Variants in TENM2 observed in about 807,000 individuals in gnomAD.
TENM2 encodes the protein teneurin-2.
In TENM2, 52 loss-of-function variants were observed where a neutral mutation model predicts 245.2. The ratio of observed to expected loss-of-function variants is 0.21; its 90% CI spans 0.17 to 0.27. The LOEUF (loss-of-function observed/expected upper bound fraction) is 0.27, where lower values mean the gene tolerates loss of function less well. Among genes scored for constraint, TENM2 ranks in the 10% least tolerant of loss-of-function variants. TENM2 has a pLI of 1.00. For synonymous variants in TENM2, 1,363 were observed against 1,438.9 expected (o/e 0.95, Z 1.19); for missense variants, 3,046 against 3,666.8 (o/e 0.83, Z 4.37).
At chr5:167,278,017 T>G in the TENM2 span, among the ~76,000 whole-genome samples, 21 of 152,256 alleles carry the variant, frequency 1.4e-4, 1 homozygote, top group Non-Finnish European at 1.5e-5. Flanking sequence ...TAAAATGACT[T>G]TCTTGGTGGA....
chr5:167,540,755 A>G (rs907083445), intron 2 of TENM2, among the ~76,000 whole-genome samples: 3 of 152,206 alleles, frequency 2.0e-5, no homozygotes, highest in Non-Finnish European at 2.9e-5. Context: ...CAGGTGATTT[A>G]AAATTTCTAA....
intron 3 of TENM2, among the ~76,000 whole-genome samples, chr5:167,929,314 G>A (rs1346483103): frequency 1.3e-5 from 2 of 152,108 alleles, no homozygotes; most frequent in Non-Finnish European, 1.5e-5. Context: ...TGTTTAAAGA[G>A]CATTTGAGAA....
chr5:167,370,112 G>A (rs1344260232), intron 1 of TENM2, among the ~76,000 whole-genome samples: 1 of 152,140 alleles, frequency 6.6e-6, no homozygotes, highest in African/African-American at 2.4e-5. Context: ...GGAAGCTGAG[G>A]TGGGCAGATC....
intron 2 of TENM2, among the ~76,000 whole-genome samples, chr5:167,660,814 C>G (rs1373983732): frequency 6.6e-6 from 1 of 152,128 alleles, no homozygotes; most frequent in East Asian, 1.9e-4. Flanking sequence ...TGTTCCTTAA[C>G]ATATTATATG....
At chr5:167,261,558 G>C in the TENM2 span, among the ~76,000 whole-genome samples, 1 of 152,100 alleles carries the variant, frequency 6.6e-6, no homozygotes, top group African/African-American at 2.4e-5. Flanking sequence ...GAAGACAGCA[G>C]CATGAATTAA....
chr5:167,853,151 G>A (rs954207775), intron 2 of TENM2, among the ~76,000 whole-genome samples: 8 of 151,414 alleles, frequency 5.3e-5, no homozygotes, highest in Admixed American at 4.6e-4. Context: ...TTAGCCGGGC[G>A]TGGTGGCGGG....
chr5:167,236,920 G>A, the TENM2 span, among the ~76,000 whole-genome samples: 3 of 122,210 alleles, frequency 2.5e-5, no homozygotes, highest in Admixed American at 2.5e-4. Flanking sequence ...AGAAAGTCTT[G>A]TTTCACTTAG....
At chr5:167,175,944 A>G in the TENM2 span, among the ~76,000 whole-genome samples, 1 of 152,172 alleles carries the variant, frequency 6.6e-6, no homozygotes, top group Admixed American at 6.5e-5. Flanking sequence ...TCCTGACCTC[A>G]AGTGATCCAC....
At chr5:167,568,568 T>C (rs1392496119) in intron 2 of TENM2, among the ~76,000 whole-genome samples, 12 of 152,076 alleles carry the variant, frequency 7.9e-5, no homozygotes, top group Admixed American at 7.9e-4. Flanking sequence ...CCATTGATTA[T>C]CCTAATATGG....
At chr5:167,431,118 G>A (rs1582025539) in intron 2 of TENM2, among the ~76,000 whole-genome samples, 1 of 152,094 alleles carries the variant, frequency 6.6e-6, no homozygotes, top group South Asian at 2.1e-4. Context: ...AATCTTTATT[G>A]TTAGCCTAGC....
intron 1 of TENM2, among the ~76,000 whole-genome samples, chr5:167,289,820 T>C (rs1268596468): frequency 6.6e-6 from 1 of 152,244 alleles, no homozygotes; most frequent in Non-Finnish European, 1.5e-5. Flanking sequence ...AAATTGTAAA[T>C]ATTTCTTTCT....
At chr5:168,139,024 A>G (rs1755305587) in intron 12 of TENM2, among the ~76,000 whole-genome samples, 1 of 152,214 alleles carries the variant, frequency 6.6e-6, no homozygotes, top group South Asian at 2.1e-4. Context: ...CACTGTTTCT[A>G]TCAATAATGT....
chr5:167,392,290 G>A (rs971905520), intron 2 of TENM2, among the ~76,000 whole-genome samples: 6 of 152,264 alleles, frequency 3.9e-5, no homozygotes, highest in South Asian at 2.1e-4. Context: ...TGACTGGACC[G>A]TAGGATGTCC....
intron 1 of TENM2, among the ~76,000 whole-genome samples, chr5:167,316,134 T>G (rs190995495): frequency 1.9e-4 from 29 of 152,324 alleles, no homozygotes; most frequent in Non-Finnish European, 1.0e-4. Context: ...TGATCTAAGA[T>G]TTGCTTATTT....
chr5:168,247,859 G>A lies in TENM2; in HGVS notation c.6920G>A (p.Arg2307Gln), dbSNP rs369528588. The A allele has an allele frequency of 2.6e-5, 42 of 1,613,844 alleles. No homozygotes were observed. The highest frequency in any genetic ancestry group is 1.6e-4 in the Middle Eastern group (1 of 6,084). Residue 2307 changes from arginine (R) to glutamine (Q), a missense_variant, in exon 27 of 29, where the codon CGG becomes CAG. By Grantham distance (43) the Arg-to-Gln change is conservative. Transcript: ENST00000518659. This position sits in a 1 kb window ranked among gnomAD's most constrained non-coding sequence, Gnocchi z 7.8. ...CAGTACCGCTATGATGGCGTAGGAC[G>A]GCGGGCTTCCTACAAGACCAACCTG...
the TENM2 span, among the ~76,000 whole-genome samples, chr5:167,213,287 C>G: frequency 6.6e-6 from 1 of 152,110 alleles, no homozygotes; most frequent in Non-Finnish European, 1.5e-5. Context: ...GCCTAGGTGG[C>G]TTATAAAAAA....
chr5:167,077,018 G>A, the TENM2 span, among the ~76,000 whole-genome samples: 1 of 152,124 alleles, frequency 6.6e-6, no homozygotes, highest in African/African-American at 2.4e-5. Flanking sequence ...TAAAGACAGA[G>A]TTTCACTATG....
chr5:167,807,629 A>T lies in TENM2; in HGVS notation c.503-68357A>T, dbSNP rs1194005217. Among the ~76,000 whole-genome samples the T allele has an allele frequency of 4.9e-3, 80 of 16,464 alleles. 1 individual carries two copies. Among genetic ancestry groups the T allele is most frequent in the African/African-American group, 0.012 (75 of 6,202 alleles). 10.8% of individuals were successfully genotyped at this position (16,464 alleles called of 152,430 possible). A position where few individuals can be genotyped will look rare whatever the true frequency, so the allele number is the denominator to read the frequency against. On this transcript the variant is annotated intron_variant, in intron 2 of 28. Transcript: ENST00000518659. ...CTTAATAAATGCATTTTTTTTAAAA[A>T]AAAAAAAAAAGAGACAGAACCTCTT... is the stretch of plus-strand genomic sequence containing the variant.
intron 2 of TENM2, among the ~76,000 whole-genome samples, chr5:167,850,199 G>A (rs1770449824): frequency 6.6e-6 from 1 of 152,144 alleles, no homozygotes. Context: ...AGATACCAAG[G>A]ATTTTAGGAA....
Sources: allele counts gnomAD v4.1 joint callset (sites outside exome capture counted in the v4.1 genomes callset), GRCh38; gene constraint gnomAD v4.1.1; non-coding constraint Gnocchi (gnomAD v3.1); transcripts MANE v1.5; gene names NCBI Gene and HGNC (gene_info 2026-07-23, HGNC 2026-07-21).